Variants in RIMS3 observed in about 807,000 individuals in gnomAD.
RIMS3 encodes the protein regulating synaptic membrane exocytosis protein 3.
A neutral mutation model predicts 29.2 loss-of-function variants in RIMS3; 15 were observed. The ratio of observed to expected loss-of-function variants is 0.51; its 90% CI spans 0.34 to 0.79. The LOEUF (loss-of-function observed/expected upper bound fraction) is 0.79. RIMS3 is among the 30% of genes least tolerant of loss of function. The probability of loss-of-function intolerance (pLI) is 0.01; values close to 1 mark genes in which losing one functional copy is unlikely to be tolerated. For missense variants in RIMS3, 342 were observed against 421.4 expected (o/e 0.81, Z 1.65); for synonymous variants, 161 against 170.1 (o/e 0.95, Z 0.41).
rs1225248934 is a variant in RIMS3 at position 40,626,427 on chromosome 1, C to T, written c.*90G>A. The T allele has an allele frequency of 3.2e-6, 4 of 1,232,940 alleles. No individual in the cohort carries two copies. Among genetic ancestry groups the T allele is most frequent in the Non-Finnish European group, 3.5e-6 (3 of 862,836 alleles). The allele number at this position is 1,232,940 out of a possible 1,614,324, so 76.4% of individuals were successfully genotyped here. A position where few individuals can be genotyped will look rare whatever the true frequency, so the allele number is the denominator to read the frequency against. On this transcript the variant is annotated 3_prime_UTR_variant, in exon 8 of 8. Coordinates refer to ENST00000372684, the MANE Select transcript of RIMS3 (RefSeq NM_014747.3). ...CAGGCATGCAGCAGGACAAGGGGTC[C>T]AGAAAGACACGAAGACTATGTACAG... is the stretch of plus-strand genomic sequence containing the variant.
upstream of RIMS3, among the ~76,000 whole-genome samples, chr1:40,666,493 TA>T (rs1170899427): frequency 6.6e-6 from 1 of 152,156 alleles, no homozygotes; most frequent in East Asian, 1.9e-4. Context: ...TCTGCCTATA[TA>T]AACTTCCAAA....
In RIMS3 at chr1:40,642,035, G is replaced by A. The variant is rs193073487; in HGVS notation, c.-31-79C>T. The A allele has an allele frequency of 1.9e-5, 16 of 845,286 alleles. 1 individual carries two copies. The highest frequency in any genetic ancestry group is 1.1e-4 in the Admixed American group (5 of 47,290). The allele number at this position is 845,286 out of a possible 1,614,324, so 52.4% of individuals were successfully genotyped here. The stretch of plus-strand genomic sequence containing the variant: ...TGCAGTCCCACCACTTCCTAGCTGC[G>A]TGACCTTGGGCTAGTCACTTGACCT... On this transcript the variant is annotated intron_variant, in intron 2 of 7. Transcript: ENST00000372684.
At chr1:40,671,757 C>CTTTTTT in the RIMS3 span, among the ~76,000 whole-genome samples, 15 of 130,290 alleles carry the variant, frequency 1.2e-4, no homozygotes, top group Non-Finnish European at 1.6e-4. Flanking sequence ...CCTTTCTTTT[C>CTTTTTT]TTTTTTTTTT....
intron 4 of RIMS3, among the ~76,000 whole-genome samples, chr1:40,633,421 A>C (rs1407479531): frequency 6.6e-6 from 1 of 152,258 alleles, no homozygotes; most frequent in Admixed American, 6.5e-5. Context: ...AACAATACAT[A>C]ATGATGCTAT....
the RIMS3 span, among the ~76,000 whole-genome samples, chr1:40,685,219 T>C: frequency 6.6e-6 from 1 of 150,532 alleles, no homozygotes; most frequent in Non-Finnish European, 1.5e-5. Flanking sequence ...TAGTTCAGAG[T>C]CTCAGGAAAT....
chr1:40,637,348 T>C (rs1013903675), intron 3 of RIMS3, among the ~76,000 whole-genome samples: 1 of 151,982 alleles, frequency 6.6e-6, no homozygotes, highest in Admixed American at 6.6e-5. Flanking sequence ...GGATCACTAG[T>C]GGATGGAAGG....
At chr1:40,643,838 G>A (rs1646577313) in intron 2 of RIMS3, among the ~76,000 whole-genome samples, 2 of 152,140 alleles carry the variant, frequency 1.3e-5, no homozygotes, top group Non-Finnish European at 2.9e-5. Context: ...TCCTCGAAAT[G>A]GAACGACTGG....
chr1:40,646,863 C>T (rs547113686), intron 2 of RIMS3, among the ~76,000 whole-genome samples: 8 of 150,154 alleles, frequency 5.3e-5, no homozygotes, highest in African/African-American at 4.9e-5. Flanking sequence ...TCCCTTTAAC[C>T]GTGGGTCTAA....
chr1:40,688,495 C>A, the RIMS3 span, among the ~76,000 whole-genome samples: 1 of 152,040 alleles, frequency 6.6e-6, no homozygotes, highest in Non-Finnish European at 1.5e-5. Context: ...TTGCCAAGCT[C>A]ACAGAAACTT....
At chr1:40,653,165 G>A (rs559715637) in intron 1 of RIMS3, among the ~76,000 whole-genome samples, 24 of 152,294 alleles carry the variant, frequency 1.6e-4, no homozygotes, top group African/African-American at 4.8e-4. Flanking sequence ...ATTCACGAGC[G>A]CTCAGGAGAG....
chr1:40,658,791 G>A (rs1303762023), intron 1 of RIMS3, among the ~76,000 whole-genome samples: 4 of 152,202 alleles, frequency 2.6e-5, no homozygotes, highest in Admixed American at 2.0e-4. Flanking sequence ...TCCAGGTCCC[G>A]CCTTCCTGAA....
At position 40,629,257 on chromosome 1, in the gene RIMS3, C is replaced by G. The variant is rs954798897; in HGVS notation, c.574+14G>C. On this transcript the variant is annotated intron_variant, in intron 6 of 7. Transcript: ENST00000372684. ...GCCCCTCCCTGTCAGGACCCCATTT[C>G]CAAAATCCCTCACCTGGGAGGGATT... The G allele has an allele frequency of 1.2e-6, 2 of 1,610,110 alleles. No individual in the cohort carries two copies. Among genetic ancestry groups the G allele is most frequent in the Admixed American group, 1.7e-5 (1 of 60,018 alleles).
upstream of RIMS3, among the ~76,000 whole-genome samples, chr1:40,668,909 A>G (rs978392524): frequency 3.9e-5 from 6 of 152,164 alleles, no homozygotes; most frequent in Non-Finnish European, 7.3e-5. Context: ...GTCGAGACCG[A>G]GCACCTGGCA....
chr1:40,684,183 G>A, the RIMS3 span, among the ~76,000 whole-genome samples: 3 of 152,288 alleles, frequency 2.0e-5, no homozygotes, highest in East Asian at 5.8e-4. Context: ...CATGGATTGG[G>A]AAAACTGGTC....
chr1:40,655,339 A>G (rs1318319612), intron 1 of RIMS3, among the ~76,000 whole-genome samples: 2 of 152,016 alleles, frequency 1.3e-5, no homozygotes, highest in Non-Finnish European at 2.9e-5. Flanking sequence ...ACTGTAGGGT[A>G]TGCAGCCCCT....
chr1:40,653,011 A>G (rs996027410), intron 1 of RIMS3, among the ~76,000 whole-genome samples: 6 of 152,138 alleles, frequency 3.9e-5, no homozygotes, highest in African/African-American at 7.2e-5. Context: ...TACAGGAAGG[A>G]TGGGGGTGAG....
intron 3 of RIMS3, among the ~76,000 whole-genome samples, 188 bp downstream of exon 3, chr1:40,641,521 T>G (rs769411744): frequency 2.0e-5 from 3 of 152,176 alleles, no homozygotes; most frequent in African/African-American, 4.8e-5. Flanking sequence ...ACCTGCCTCA[T>G]AGAGCTCCAT....
chr1:40,664,473 G>A (rs1183836670), intron 1 of RIMS3, among the ~76,000 whole-genome samples: 1 of 152,154 alleles, frequency 6.6e-6, no homozygotes, highest in Non-Finnish European at 1.5e-5. Flanking sequence ...TAGAGGACAG[G>A]ACCAAAGGAG....
upstream of RIMS3, among the ~76,000 whole-genome samples, chr1:40,667,381 G>A (rs1485838047): frequency 6.6e-6 from 1 of 152,150 alleles, no homozygotes; most frequent in African/African-American, 2.4e-5. Context: ...GGCAGGACCT[G>A]GAACGAGGGT....
Sources: allele counts gnomAD v4.1 joint callset (sites outside exome capture counted in the v4.1 genomes callset), GRCh38; gene constraint gnomAD v4.1.1; transcripts MANE v1.5; gene names NCBI Gene and HGNC (gene_info 2026-07-23, HGNC 2026-07-21).